Variants in GRM3 observed in about 807,000 individuals in gnomAD.
The protein encoded by GRM3 is metabotropic glutamate receptor 3.
GRM3 carries 26 observed loss-of-function variants against 70.5 expected under a neutral mutation model. That is an observed-to-expected ratio of 0.37 (90% CI 0.27 to 0.51). The LOEUF is 0.51. Among genes scored for constraint, GRM3 ranks in the 20% least tolerant of loss-of-function variants. The pLI, the probability that GRM3 is intolerant of heterozygous loss-of-function variation, is 0.93. For missense variants in GRM3, 859 were observed against 1,123.8 expected, an observed-to-expected ratio of 0.76 and a Z score of 3.37; for synonymous variants, 443 against 434.9, an observed-to-expected ratio of 1.02 and a Z score of -0.23.
intron 1 of GRM3, among the ~76,000 whole-genome samples, chr7:86,677,071 CA>C: frequency 6.6e-6 from 1 of 152,048 alleles, no homozygotes; most frequent in East Asian, 1.9e-4. Context: ...ACCAGTAGCC[CA>C]AAATCCAGTG....
intron 2 of GRM3, among the ~76,000 whole-genome samples, chr7:86,782,853 T>G (rs892228783): frequency 6.6e-6 from 1 of 152,198 alleles, no homozygotes; most frequent in African/African-American, 2.4e-5. Flanking sequence ...ATGTGAAGCA[T>G]ATCTCTTTTA....
At chr7:86,810,017 A>G (rs1461832369) in intron 3 of GRM3, among the ~76,000 whole-genome samples, 1 of 152,064 alleles carries the variant, frequency 6.6e-6, no homozygotes, top group Non-Finnish European at 1.5e-5. Context: ...TGAAGGATAA[A>G]TTATTTTAAA....
intron 1 of GRM3, among the ~76,000 whole-genome samples, chr7:86,702,665 G>T (rs1009628403): frequency 1.3e-5 from 2 of 151,872 alleles, no homozygotes; most frequent in Admixed American, 6.6e-5. Flanking sequence ...GCAAATGAAA[G>T]ACTGGGCAAG....
intron 1 of GRM3, among the ~76,000 whole-genome samples, chr7:86,658,044 C>A (rs1253248286): frequency 6.6e-6 from 1 of 152,108 alleles, no homozygotes; most frequent in African/African-American, 2.4e-5. Context: ...ATAAGACTTA[C>A]AAAACAAATC....
intron 3 of GRM3, among the ~76,000 whole-genome samples, chr7:86,808,766 G>T (rs1797850035): frequency 6.6e-6 from 1 of 152,058 alleles, no homozygotes. Context: ...GAGGAAATAT[G>T]GGGGAGAGCT....
intron 2 of GRM3, among the ~76,000 whole-genome samples, chr7:86,767,826 C>G (rs914297603): frequency 6.6e-6 from 1 of 151,936 alleles, no homozygotes; most frequent in African/African-American, 2.4e-5. Context: ...TCTAATTTTA[C>G]TCTTTTACTA....
At chr7:86,785,509 AT>A (rs572530767) in intron 2 of GRM3, among the ~76,000 whole-genome samples, 30 of 151,348 alleles carry the variant, frequency 2.0e-4, no homozygotes, top group African/African-American at 5.6e-4. Context: ...ATACCTTTTA[AT>A]TTTTTTTAAT....
At chr7:86,752,109 T>C (rs1796245334) in intron 1 of GRM3, among the ~76,000 whole-genome samples, 1 of 152,118 alleles carries the variant, frequency 6.6e-6, no homozygotes, top group African/African-American at 2.4e-5. Context: ...AACAAAAGTC[T>C]GGATCAAGAA....
intron 1 of GRM3, among the ~76,000 whole-genome samples, chr7:86,734,073 A>G (rs147614641): frequency 1.3e-5 from 2 of 152,300 alleles, no homozygotes; most frequent in Non-Finnish European, 2.9e-5. Flanking sequence ...GTGTTTATTT[A>G]GGAAAGTAGC....
intron 3 of GRM3, among the ~76,000 whole-genome samples, chr7:86,823,407 A>G (rs565960508): frequency 2.6e-5 from 4 of 151,954 alleles, no homozygotes; most frequent in Middle Eastern, 3.4e-3. Flanking sequence ...TATATGCCCT[A>G]CAACTCCAAT....
chr7:86,656,859 G>A (rs1214351524), intron 1 of GRM3, among the ~76,000 whole-genome samples: 1 of 152,068 alleles, frequency 6.6e-6, no homozygotes, highest in African/African-American at 2.4e-5. Context: ...AATAATATAA[G>A]ATGTGGCTAA....
intron 1 of GRM3, among the ~76,000 whole-genome samples, chr7:86,694,803 C>T (rs1294150742): frequency 1.3e-5 from 2 of 152,262 alleles, no homozygotes; most frequent in African/African-American, 2.4e-5. Flanking sequence ...CAAGACAGCG[C>T]TTATTGTTTG....
intron 4 of GRM3, among the ~76,000 whole-genome samples, chr7:86,849,162 G>C (rs1798710788): frequency 6.6e-6 from 1 of 152,120 alleles, no homozygotes; most frequent in Non-Finnish European, 1.5e-5. Context: ...GCAGAAAGAG[G>C]ACAATGCTAA....
At chr7:86,730,176 A>G (rs1795695379) in intron 1 of GRM3, among the ~76,000 whole-genome samples, 1 of 151,920 alleles carries the variant, frequency 6.6e-6, no homozygotes, top group South Asian at 2.1e-4. Flanking sequence ...ATCCCAGCAC[A>G]TTAGGAGGCC....
At chr7:86,721,321 G>C (rs1442076795) in intron 1 of GRM3, among the ~76,000 whole-genome samples, 1 of 151,974 alleles carries the variant, frequency 6.6e-6, no homozygotes, top group Admixed American at 6.6e-5. Flanking sequence ...ATGGCTTCTA[G>C]GATGAAATAC....
chr7:86,729,980 G>A (rs1253641207), intron 1 of GRM3, among the ~76,000 whole-genome samples: 1 of 151,962 alleles, frequency 6.6e-6, no homozygotes, highest in Non-Finnish European at 1.5e-5. Flanking sequence ...GGTGGCAGGT[G>A]CCTGTAATCC....
intron 1 of GRM3, among the ~76,000 whole-genome samples, chr7:86,704,372 T>C (rs79229242): frequency 0.013 from 2,048 of 152,012 alleles, 38 homozygotes; most frequent in African/African-American, 0.047. Context: ...ATTTTTCCAT[T>C]ATCACCTAAA....
At chr7:86,719,410 T>C (rs191723018) in intron 1 of GRM3, among the ~76,000 whole-genome samples, 14 of 152,086 alleles carry the variant, frequency 9.2e-5, no homozygotes, top group African/African-American at 3.1e-4. Context: ...TAAAGATAAG[T>C]CACATGTGGA....
chr7:86,844,584 ACT>A (rs1330508403), intron 4 of GRM3, among the ~76,000 whole-genome samples: 1 of 152,132 alleles, frequency 6.6e-6, no homozygotes, highest in Non-Finnish European at 1.5e-5. Context: ...TGCTGTAAAG[ACT>A]CTATTACTAC....
Sources: gnomAD v4.1 joint callset for allele counts (sites outside exome capture counted in the v4.1 genomes callset) on GRCh38, gnomAD v4.1.1 for gene constraint, MANE v1.5 for transcripts, NCBI Gene and HGNC (gene_info 2026-07-23, HGNC 2026-07-21) for gene names.